Variants in SLC44A5 observed in about 807,000 individuals in gnomAD.
SLC44A5 encodes the protein choline transporter-like protein 5.
A neutral mutation model predicts 101.8 loss-of-function variants in SLC44A5; 57 were observed. The observed-to-expected ratio is 0.56, with a 90% confidence interval of 0.45 to 0.70. SLC44A5 has a LOEUF of 0.70. Ranked by LOEUF, SLC44A5 falls within the 30% of genes least tolerant of loss-of-function variation. The pLI is 0.00. For synonymous variants in SLC44A5, 281 were observed against 290.9 expected (o/e 0.97, Z 0.35); for missense variants, 737 against 853.1 (o/e 0.86, Z 1.70).
intron 4 of SLC44A5, among the ~76,000 whole-genome samples, chr1:75,337,999 C>T (rs1657578291): frequency 6.6e-6 from 1 of 152,214 alleles, no homozygotes; most frequent in South Asian, 2.1e-4. Context: ...GCTCCTTAAA[C>T]ACCCCAGTTA....
chr1:75,226,094 G>C (rs1294936805), intron 13 of SLC44A5, among the ~76,000 whole-genome samples: 2 of 152,128 alleles, frequency 1.3e-5, no homozygotes, highest in Admixed American at 1.3e-4. Context: ...TGATCCTGAT[G>C]AGGACGGCTG....
At chr1:75,266,480 A>C (rs1043021625) in intron 6 of SLC44A5, among the ~76,000 whole-genome samples, 1 of 152,198 alleles carries the variant, frequency 6.6e-6, no homozygotes, top group Admixed American at 6.5e-5. Flanking sequence ...TGTGTAACCT[A>C]AACAGCTTAA....
intron 2 of SLC44A5, among the ~76,000 whole-genome samples, chr1:75,492,770 T>G (rs542527617): frequency 4.6e-5 from 7 of 152,322 alleles, no homozygotes; most frequent in Admixed American, 4.6e-4. Flanking sequence ...ATTGCTTTTA[T>G]TTACTCAGCA....
intron 2 of SLC44A5, among the ~76,000 whole-genome samples, chr1:75,398,044 T>C (rs1662235454): frequency 6.6e-6 from 1 of 152,152 alleles, no homozygotes. Flanking sequence ...TAAAATAGTA[T>C]GTACGTGCAA....
At chr1:75,376,569 C>G (rs553524253) in intron 3 of SLC44A5, among the ~76,000 whole-genome samples, 20 of 152,262 alleles carry the variant, frequency 1.3e-4, no homozygotes, top group South Asian at 4.1e-4. Flanking sequence ...AGCAGGGGCA[C>G]ACTGACACCT....
chr1:75,339,581 C>T lies in SLC44A5; in HGVS notation c.101+1G>A, dbSNP rs1419300632. On this transcript the variant is annotated splice_donor_variant, in intron 4 of 23. Transcript: ENST00000370859. LOFTEE classifies it high-confidence loss of function. ...ATATTCCCCAAAAAATAATTGCTTA[C>T]CTGTTGGCAACAGGCCCCTTGAAAT... The T allele has an allele frequency of 6.2e-7, 1 of 1,602,010 alleles. No individual in the cohort carries two copies. Among genetic ancestry groups the T allele is most frequent in the Non-Finnish European group, 8.5e-7 (1 of 1,174,058 alleles).
chr1:75,612,239 A>T (rs1291416891), upstream of SLC44A5, among the ~76,000 whole-genome samples: 2 of 152,156 alleles, frequency 1.3e-5, no homozygotes, highest in Non-Finnish European at 2.9e-5. Flanking sequence ...CTCTCCCTGA[A>T]ATAATCTTCC....
intron 5 of SLC44A5, among the ~76,000 whole-genome samples, chr1:75,278,220 T>C (rs947921335): frequency 7.6e-6 from 1 of 131,126 alleles, no homozygotes; most frequent in Admixed American, 9.2e-5. Flanking sequence ...TATTTTGTTA[T>C]ATTTAAGTAA....
chr1:75,281,040 T>C (rs1224479058), intron 5 of SLC44A5, among the ~76,000 whole-genome samples: 1 of 151,952 alleles, frequency 6.6e-6, no homozygotes, highest in Non-Finnish European at 1.5e-5. Flanking sequence ...TTGGAGCAGT[T>C]TGGAGGGCTC....
chr1:75,247,961 G>C (rs548490760), intron 7 of SLC44A5, among the ~76,000 whole-genome samples: 6 of 151,978 alleles, frequency 3.9e-5, no homozygotes, highest in Admixed American at 2.0e-4. Context: ...AGTAGCTGGA[G>C]GGGGATGTGG....
At chr1:75,408,860 T>A (rs994539927) in intron 2 of SLC44A5, among the ~76,000 whole-genome samples, 1 of 151,962 alleles carries the variant, frequency 6.6e-6, no homozygotes, top group Admixed American at 6.6e-5. Flanking sequence ...AGTATAATAA[T>A]AATAATATTC....
chr1:75,675,386 G>GT, the SLC44A5 span, among the ~76,000 whole-genome samples: 7 of 152,014 alleles, frequency 4.6e-5, no homozygotes, highest in East Asian at 7.7e-4. Context: ...GTGAGTGGGA[G>GT]TTTTTTTCAC....
chr1:75,339,137 C>G (rs879199724), intron 4 of SLC44A5, among the ~76,000 whole-genome samples: 1 of 152,084 alleles, frequency 6.6e-6, no homozygotes, highest in Admixed American at 6.5e-5. Flanking sequence ...GAATGACTGC[C>G]TCTGAGAAAG....
intron 13 of SLC44A5, among the ~76,000 whole-genome samples, chr1:75,224,279 T>C (rs976734244): frequency 5.9e-5 from 9 of 152,256 alleles, no homozygotes; most frequent in African/African-American, 2.2e-4. Context: ...TAGCATATAA[T>C]GCTTGATGCT....
rs111371849 is a variant in SLC44A5, at chr1:75,550,570, TA to T, written c.-69-9055del. ...TTACATTATGAAAATTTTACCTTAA[TA>T]AAAAAAAAAGATCATTATTTGAACA... On this transcript the variant is annotated intron_variant, in intron 1 of 23. Coordinates refer to ENST00000370859, the MANE Select transcript of SLC44A5 (RefSeq NM_001130058.2). Among the ~76,000 whole-genome samples, 807 of 147,288 alleles carry T rather than the reference TA, an allele frequency of 5.5e-3. 9 individuals are homozygous for T. The highest frequency in any genetic ancestry group is 0.019 in the African/African-American group (760 of 40,164).
At chr1:75,693,846 A>T in the SLC44A5 span, among the ~76,000 whole-genome samples, 1 of 152,112 alleles carries the variant, frequency 6.6e-6, no homozygotes, top group African/African-American at 2.4e-5. Context: ...AGGTCTAGTA[A>T]GATGAAGAAT....
At chr1:75,345,346 A>G (rs1658172112) in intron 3 of SLC44A5, among the ~76,000 whole-genome samples, 1 of 152,152 alleles carries the variant, frequency 6.6e-6, no homozygotes, top group Non-Finnish European at 1.5e-5. Flanking sequence ...TATAAGCAGT[A>G]TGATCTTGGG....
the SLC44A5 span, among the ~76,000 whole-genome samples, chr1:75,646,240 G>A: frequency 0.11 from 14,986 of 135,248 alleles, 2,345 homozygotes; most frequent in East Asian, 0.61. Flanking sequence ...CCATTTTCAC[G>A]AAATTGATTC....
intron 1 of SLC44A5, among the ~76,000 whole-genome samples, chr1:75,579,686 T>C (rs1225914490): frequency 6.6e-6 from 1 of 152,176 alleles, no homozygotes; most frequent in Non-Finnish European, 1.5e-5. Context: ...AGGAATGTTT[T>C]TGAATTGATA....
Sources: gnomAD v4.1 joint callset for allele counts (sites outside exome capture counted in the v4.1 genomes callset) on GRCh38, gnomAD v4.1.1 for gene constraint, MANE v1.5 for transcripts, NCBI Gene and HGNC (gene_info 2026-07-23, HGNC 2026-07-21) for gene names.